CTNNA3: variants seen among roughly 807,000 people sequenced by gnomAD.
CTNNA3 encodes the protein catenin alpha-3.
CTNNA3 carries 76 observed loss-of-function variants against 95.7 expected under a neutral mutation model. The observed-to-expected ratio is 0.79, with a 90% CI of 0.66 to 0.96. The LOEUF (loss-of-function observed/expected upper bound fraction) is 0.96. Ranked by LOEUF, CTNNA3 falls within the 40% of genes least tolerant of loss-of-function variation. The pLI is 0.00. For missense variants in CTNNA3, 1,191 were observed against 1,089.8 expected (o/e 1.09, Z -1.31); for synonymous variants, 431 against 374.4 (o/e 1.15, Z -1.74).
intron 7 of CTNNA3, among the ~76,000 whole-genome samples, chr10:66,940,895 T>C (rs1447892140): frequency 1.3e-5 from 2 of 152,216 alleles, no homozygotes; most frequent in Non-Finnish European, 2.9e-5. Context: ...TGTTTCTGTA[T>C]GCTCCAATAA....
Position 67,347,540 on chromosome 10 carries a change from A to G in CTNNA3, c.580-127670T>C, listed in dbSNP as rs1019421974. On this transcript the variant is annotated intron_variant, in intron 5 of 17. Coordinates refer to ENST00000433211, the MANE Select transcript of CTNNA3 (RefSeq NM_013266.4). Reference sequence around the variant, plus strand: ...TACTACTATGTTAGGTGCTGGATATATGTTGATGAATGAAACAAACTGTAT... The same window carrying G: ...TACTACTATGTTAGGTGCTGGATATGTGTTGATGAATGAAACAAACTGTAT... Among the ~76,000 whole-genome samples the G allele has an allele frequency of 2.0e-5, 3 of 152,204 alleles. No individual in the cohort carries two copies. The East Asian group carries it at 5.8e-4, about 29-fold the overall frequency.
At chr10:67,234,515 AAAT>A (rs1865365533) in intron 5 of CTNNA3, among the ~76,000 whole-genome samples, 1 of 152,212 alleles carries the variant, frequency 6.6e-6, no homozygotes, top group African/African-American at 2.4e-5. Flanking sequence ...GCGTATTTCA[AAAT>A]AATAAGCACT....
chr10:66,811,418 G>A (rs1028054533), intron 7 of CTNNA3, among the ~76,000 whole-genome samples: 2 of 152,194 alleles, frequency 1.3e-5, no homozygotes, highest in African/African-American at 4.8e-5. Flanking sequence ...AGCCAATTCT[G>A]AATCTACGCA....
rs557377864 is a variant in CTNNA3 at position 67,532,178 on chromosome 10, A to T, written c.459+7325T>A. ...GTCTTGACTTGCTCTTTTTCTTTAC[A>T]TCTTAATATGCTTTTACATATTTTG... On this transcript the variant is annotated intron_variant, in intron 4 of 17. Transcript: ENST00000433211. Among the ~76,000 whole-genome samples the T allele has an allele frequency of 7.2e-5, 11 of 152,288 alleles. 1 individual carries two copies. The South Asian group carries it at 2.3e-3, about 32-fold the overall frequency.
chr10:66,401,621 G>T (rs1487716959), intron 11 of CTNNA3, among the ~76,000 whole-genome samples: 1 of 148,160 alleles, frequency 6.7e-6, no homozygotes, highest in Non-Finnish European at 1.5e-5. Flanking sequence ...TTTTACTTTT[G>T]CAAGTTGGTT....
chr10:66,631,888 T>G (rs1006958544), intron 9 of CTNNA3, among the ~76,000 whole-genome samples: 5 of 152,118 alleles, frequency 3.3e-5, no homozygotes, highest in African/African-American at 4.8e-5. Context: ...CGGTAACACT[T>G]CTTCATGCAG....
At chr10:66,415,083 G>A (rs1017780921) in intron 11 of CTNNA3, among the ~76,000 whole-genome samples, 3 of 152,088 alleles carry the variant, frequency 2.0e-5, no homozygotes, top group East Asian at 1.9e-4. Flanking sequence ...GGGCAGCAGG[G>A]CAGCTACTAT....
At chr10:66,626,048 C>T (rs1844924330) in intron 9 of CTNNA3, among the ~76,000 whole-genome samples, 1 of 152,106 alleles carries the variant, frequency 6.6e-6, no homozygotes, top group Non-Finnish European at 1.5e-5. Flanking sequence ...TTCATCATTA[C>T]TTTGTTCTAA....
intron 10 of CTNNA3, among the ~76,000 whole-genome samples, chr10:66,578,730 T>G (rs556162481): frequency 1.3e-5 from 2 of 151,922 alleles, no homozygotes; most frequent in Non-Finnish European, 2.9e-5. Flanking sequence ...AGTACTTCAT[T>G]GAGAAAATTT....
chr10:67,686,269 G>A (rs1424205589), intron 1 of CTNNA3, among the ~76,000 whole-genome samples: 6 of 152,230 alleles, frequency 3.9e-5, no homozygotes, highest in Non-Finnish European at 8.8e-5. Flanking sequence ...TGGGGGAAGA[G>A]GCTTAGTTTC....
At chr10:66,516,253 A>C (rs1840853927) in intron 11 of CTNNA3, among the ~76,000 whole-genome samples, 1 of 152,102 alleles carries the variant, frequency 6.6e-6, no homozygotes, top group African/African-American at 2.4e-5. Context: ...TTACAAAAAG[A>C]TCACTGGTAA....
At chr10:67,032,047 C>T (rs558216825) in intron 7 of CTNNA3, among the ~76,000 whole-genome samples, 44 of 152,128 alleles carry the variant, frequency 2.9e-4, no homozygotes, top group Non-Finnish European at 5.6e-4. Context: ...GCCTTCTTTT[C>T]CAGTAAAATG....
intron 5 of CTNNA3, among the ~76,000 whole-genome samples, chr10:67,397,361 G>A (rs1363631349): frequency 6.6e-6 from 1 of 152,168 alleles, no homozygotes; most frequent in African/African-American, 2.4e-5. Context: ...TTGGGAACTG[G>A]AGCAAAGGTG....
At chr10:66,387,265 C>A (rs1325542568) in intron 11 of CTNNA3, among the ~76,000 whole-genome samples, 1 of 151,962 alleles carries the variant, frequency 6.6e-6, no homozygotes, top group Non-Finnish European at 1.5e-5. Flanking sequence ...AAAAACAAGT[C>A]CATCAAAAAG....
At chr10:67,210,036 G>A (rs1019942959) in intron 6 of CTNNA3, among the ~76,000 whole-genome samples, 5 of 152,084 alleles carry the variant, frequency 3.3e-5, no homozygotes, top group African/African-American at 1.2e-4. Context: ...GGCCAGGCAC[G>A]GTGGCTCAAG....
chr10:67,481,493 C>T (rs1018789431), intron 5 of CTNNA3, among the ~76,000 whole-genome samples: 1 of 152,088 alleles, frequency 6.6e-6, no homozygotes, highest in Non-Finnish European at 1.5e-5. Context: ...AATGTTCAAG[C>T]TGAGAGTCAA....
At chr10:66,294,844 T>C (rs749934541) in intron 12 of CTNNA3, among the ~76,000 whole-genome samples, 5 of 151,744 alleles carry the variant, frequency 3.3e-5, no homozygotes, top group Non-Finnish European at 5.9e-5. Flanking sequence ...ACGTTGAGTT[T>C]CAGGTAAGTT....
intron 5 of CTNNA3, among the ~76,000 whole-genome samples, chr10:67,390,094 C>T (rs917252127): frequency 6.6e-6 from 1 of 152,050 alleles, no homozygotes; most frequent in African/African-American, 2.4e-5. Flanking sequence ...CATAAAAAAC[C>T]CTTCAAAAAA....
chr10:67,571,499 C>T (rs554896177), intron 3 of CTNNA3, among the ~76,000 whole-genome samples: 3 of 152,238 alleles, frequency 2.0e-5, no homozygotes, highest in South Asian at 2.1e-4. Flanking sequence ...ATTCATAAAA[C>T]TCAATTAAAA....
Sources: allele counts gnomAD v4.1 joint callset (sites outside exome capture counted in the v4.1 genomes callset), GRCh38; gene constraint gnomAD v4.1.1; transcripts MANE v1.5; gene names NCBI Gene and HGNC (gene_info 2026-07-23, HGNC 2026-07-21).